Variants in RANBP9 observed in about 807,000 individuals in gnomAD.
The protein encoded by RANBP9 is ran-binding protein 9.
Under a neutral mutation model 84.3 loss-of-function variants are expected in RANBP9, and 15 were observed. The observed-to-expected ratio is 0.18, with a 90% confidence interval of 0.12 to 0.27. RANBP9 has a LOEUF of 0.27. Ranked by LOEUF, RANBP9 falls within the 10% of genes least tolerant of loss-of-function variation. The probability of loss-of-function intolerance (pLI) is 1.00; values close to 1 mark genes in which losing one functional copy is unlikely to be tolerated. For synonymous variants in RANBP9, 392 were observed against 349.6 expected (o/e 1.12, Z -1.35); for missense variants, 809 against 912.8 (o/e 0.89, Z 1.46).
intron 1 of RANBP9, among the ~76,000 whole-genome samples, chr6:13,699,600 T>C (rs558525973): frequency 2.0e-5 from 3 of 152,312 alleles, no homozygotes; most frequent in South Asian, 2.1e-4. Context: ...TGGTGGCTCA[T>C]GCCTGTAATT....
intron 5 of RANBP9, among the ~76,000 whole-genome samples, chr6:13,648,971 AC>A (rs1249748099): frequency 1.3e-5 from 2 of 152,180 alleles, no homozygotes; most frequent in African/African-American, 4.8e-5. Flanking sequence ...AGGAAAAAAG[AC>A]TATTTTGAAA....
chr6:13,696,756 A>T (rs753165946), intron 2 of RANBP9, 29 bp downstream of exon 2: 1 of 1,550,692 alleles, frequency 6.4e-7, no homozygotes, highest in South Asian at 1.2e-5. Context: ...AAAACTAGCA[A>T]ACGATTTTTC....
chr6:13,661,079 C>G (rs995658716), intron 2 of RANBP9, among the ~76,000 whole-genome samples: 1 of 152,152 alleles, frequency 6.6e-6, no homozygotes, highest in Non-Finnish European at 1.5e-5. Context: ...CTGCTTAAAG[C>G]CAAAGGCTGG....
chr6:13,625,699 C>G lies in RANBP9; in HGVS notation c.2013G>C (p.Pro671=). The stretch of plus-strand genomic sequence containing the variant: ...CTGAGCACACAGGTTCTCTCTGAAT[C>G]GGGTCAAGCTGATTTCCAACTGGGC... ...WNSPVGNQLD[P]IQREPVCSAL... Residue 671 remains proline (P), a synonymous_variant, in exon 13 of 14, where the codon CCG becomes CCC. Coordinates refer to ENST00000011619, the MANE Select transcript of RANBP9 (RefSeq NM_005493.3). 2 of 1,613,230 alleles carry G rather than the reference C, an allele frequency of 1.2e-6. No individual in the cohort carries two copies. The highest frequency in any genetic ancestry group is 1.7e-6 in the Non-Finnish European group (2 of 1,179,248).
At chr6:13,705,956 T>C (rs990638105) in intron 1 of RANBP9, among the ~76,000 whole-genome samples, 1 of 151,566 alleles carries the variant, frequency 6.6e-6, no homozygotes, top group Non-Finnish European at 1.5e-5. Context: ...TGCTGAAATA[T>C]CTGTTCAAAC....
At chr6:13,647,913 C>A (rs746632526) in intron 5 of RANBP9, among the ~76,000 whole-genome samples, 6 of 152,014 alleles carry the variant, frequency 3.9e-5, no homozygotes, top group Non-Finnish European at 7.4e-5. Context: ...TTTTAAAAAA[C>A]AACGGCCTTC....
At chr6:13,632,301 A>G in intron 12 of RANBP9, 69 bp downstream of exon 12, 1 of 1,498,436 alleles carries the variant, frequency 6.7e-7, no homozygotes, top group South Asian at 1.3e-5. Flanking sequence ...TACACTGCTC[A>G]GTGTTTCACA....
intron 1 of RANBP9, among the ~76,000 whole-genome samples, chr6:13,709,041 CA>C (rs1330151855): frequency 6.6e-6 from 1 of 152,160 alleles, no homozygotes; most frequent in African/African-American, 2.4e-5. Context: ...TAGTATTACA[CA>C]ACAGAAAGTA....
chr6:13,672,623 A>G (rs1200658193), intron 2 of RANBP9, among the ~76,000 whole-genome samples: 1 of 152,184 alleles, frequency 6.6e-6, no homozygotes, highest in African/African-American at 2.4e-5. Context: ...AGCCATGTCC[A>G]GATTTCAACA....
chr6:13,628,369 T>C (rs531286998), intron 12 of RANBP9, among the ~76,000 whole-genome samples: 5 of 152,278 alleles, frequency 3.3e-5, no homozygotes, highest in East Asian at 3.9e-4. Context: ...TACATTACTA[T>C]TGACTTAATA....
chr6:13,711,618 CGGAAGCAGGCGGCGGGCCGCGCGCCCA>C lies in RANBP9; in HGVS notation c.-140_-114del, dbSNP rs1284461387. 2.1e-3 allele frequency: 2,171 copies of C among 1,040,578 alleles called. 3 individuals are homozygous for C. The highest frequency in any genetic ancestry group is 2.4e-3 in the Non-Finnish European group (2,009 of 829,766). The allele number at this position is 1,040,578 out of a possible 1,614,324, so 64.5% of individuals were successfully genotyped here. A position where few individuals can be genotyped will look rare whatever the true frequency, so the allele number is the denominator to read the frequency against. The stretch of plus-strand genomic sequence containing the variant: ...CACCAGGCGCCCAGTCCGCCCGCCC[CGGAAGCAGGCGGCGGGCCGCGCGCCCA>C]GGGAGACCGCGGCGGTTGAGGAGCT... On this transcript the variant is annotated 5_prime_UTR_variant, in exon 1 of 14. Coordinates refer to ENST00000011619, the MANE Select transcript of RANBP9 (RefSeq NM_005493.3).
In RANBP9 at chr6:13,707,782, T is replaced by C. The variant is rs142233055; in HGVS notation, c.571+3153A>G. 5.2e-4 allele frequency among the ~76,000 whole-genome samples: 79 copies of C among 152,304 alleles called. 3 individuals carry two copies. The East Asian group carries it at 7.9e-3, about 15-fold the overall frequency. Reference sequence around the variant, plus strand: ...ACTAGAAAAATATAAAAATGCAATCTGTTGTTGAAACATTTAAACTAAGTC... The same window carrying C: ...ACTAGAAAAATATAAAAATGCAATCCGTTGTTGAAACATTTAAACTAAGTC... On this transcript the variant is annotated intron_variant, in intron 1 of 13. Coordinates refer to ENST00000011619, the MANE Select transcript of RANBP9 (RefSeq NM_005493.3).
chr6:13,706,737 C>T (rs2113372754), intron 1 of RANBP9, among the ~76,000 whole-genome samples: 1 of 151,570 alleles, frequency 6.6e-6, no homozygotes, highest in East Asian at 2.0e-4. Context: ...CGCAGTGGCT[C>T]ATGCCTGTAA....
intron 2 of RANBP9, 102 bp from the exon 3 acceptor site, chr6:13,658,934 T>C (rs1473986603): frequency 8.5e-7 from 1 of 1,169,830 alleles, no homozygotes; most frequent in East Asian, 2.4e-5. Context: ...AAGCCCAAGT[T>C]GGAACTCCTA....
At chr6:13,648,503 G>C (rs1270740412) in intron 5 of RANBP9, among the ~76,000 whole-genome samples, 1 of 152,134 alleles carries the variant, frequency 6.6e-6, no homozygotes, top group South Asian at 2.1e-4. Context: ...TGTCACTGTA[G>C]ATTTATATGT....
In RANBP9 at chr6:13,622,395, G is replaced by A. The variant is rs375504162; in HGVS notation, c.2157C>T (p.Cys719=). 6.3e-5 allele frequency: 100 copies of A among 1,598,630 alleles called. 1 individual carries two copies. The highest frequency in any genetic ancestry group is 7.2e-5 in the Non-Finnish European group (84 of 1,172,310). ...GGTAGTCTTCCACTGTGGCAAATGC[G>A]CAGGATCCAATTCCTGATCGAGCCA... The part of the protein sequence containing the change: ...GLMARSGIGS[C]AFATVEDYLH Residue 719 remains cysteine (C), a synonymous_variant, in exon 14 of 14, where the codon TGC becomes TGT. Transcript: ENST00000011619.
intron 2 of RANBP9, among the ~76,000 whole-genome samples, chr6:13,670,363 C>A (rs547170004): frequency 4.1e-4 from 62 of 152,188 alleles, no homozygotes; most frequent in Admixed American, 4.6e-4. Context: ...AAAATTAACA[C>A]AAAATGGATT....
chr6:13,634,572 C>G lies in RANBP9; in HGVS notation c.1674-20G>C. The G allele has an allele frequency of 6.3e-7, 1 of 1,583,074 alleles. No homozygotes were observed. The highest frequency in any genetic ancestry group is 8.6e-7 in the Non-Finnish European group (1 of 1,158,558). On this transcript the variant is annotated intron_variant, in intron 10 of 13. Transcript: ENST00000011619. ...TCATTACTGAAAACGAAAAAACAAA[C>G]CTAATTTTAGAAATATCATACTTGC...
At chr6:13,687,499 A>G (rs1416137892) in intron 2 of RANBP9, among the ~76,000 whole-genome samples, 1 of 152,080 alleles carries the variant, frequency 6.6e-6, no homozygotes, top group Non-Finnish European at 1.5e-5. Flanking sequence ...TAAAAAAAAA[A>G]AAATCCTCTT....
Sources: gnomAD v4.1 joint callset for allele counts (sites outside exome capture counted in the v4.1 genomes callset) on GRCh38, gnomAD v4.1.1 for gene constraint, MANE v1.5 for transcripts, NCBI Gene and HGNC (gene_info 2026-07-23, HGNC 2026-07-21) for gene names.